Variants in OCLN observed in about 807,000 individuals in gnomAD.
OCLN encodes occludin, also known as phosphatase 1, regulatory subunit 115.
In OCLN, 21 loss-of-function variants were observed where a neutral mutation model predicts 47.9. The ratio of observed to expected loss-of-function variants is 0.44; its 90% CI spans 0.31 to 0.63. The LOEUF (loss-of-function observed/expected upper bound fraction) is 0.63. Ranked by LOEUF, OCLN falls within the 30% of genes least tolerant of loss-of-function variation. OCLN has a pLI of 0.08. For synonymous variants in OCLN, 117 were observed against 198.4 expected, an observed-to-expected ratio of 0.59 and a Z score of 3.45; for missense variants, 360 against 571.0, an observed-to-expected ratio of 0.63 and a Z score of 3.77.
At chr5:69,526,522 C>T (rs558551889) in intron 4 of OCLN, among the ~76,000 whole-genome samples, 1 of 152,314 alleles carries the variant, frequency 6.6e-6, no homozygotes, top group East Asian at 1.9e-4. Flanking sequence ...GTAAGCCTCA[C>T]TGAGTACAAG....
rs1769896189 is a variant in OCLN at position 69,553,698 on chromosome 5, A to G, written c.*27A>G. On this transcript the variant is annotated 3_prime_UTR_variant, in exon 9 of 9. Transcript: ENST00000396442. ...AGGCTGATGCCAAGTTGTTTGAGAA[A>G]TTAAGTATCTGACATCTCTGCAATC... 6.3e-7 allele frequency: 1 copy of G among 1,597,704 alleles called. No individual in the cohort carries two copies. Among genetic ancestry groups the G allele is most frequent in the Non-Finnish European group, 8.6e-7 (1 of 1,165,822 alleles).
chr5:69,520,621 T>C (rs1438137793), intron 4 of OCLN, among the ~76,000 whole-genome samples: 1 of 151,946 alleles, frequency 6.6e-6, no homozygotes, highest in Non-Finnish European at 1.5e-5. Flanking sequence ...ATCTTTTTCC[T>C]TTCCTATTTC....
At chr5:69,526,392 GC>G (rs1769280657) in intron 4 of OCLN, among the ~76,000 whole-genome samples, 1 of 152,102 alleles carries the variant, frequency 6.6e-6, no homozygotes, top group Admixed American at 6.5e-5. Context: ...TGGCTCACAG[GC>G]TGGGCGACCA....
chr5:69,549,188 A>G, intron 7 of OCLN, among the ~76,000 whole-genome samples: 1 of 134,210 alleles, frequency 7.5e-6, no homozygotes, highest in East Asian at 2.2e-4. Flanking sequence ...AAAAATACAA[A>G]AAATTAGCCA....
At chr5:69,514,362 G>A (rs1236444127) in intron 4 of OCLN, among the ~76,000 whole-genome samples, 2 of 152,108 alleles carry the variant, frequency 1.3e-5, no homozygotes, top group East Asian at 3.9e-4. Flanking sequence ...AAAAAATCAT[G>A]CAGAAAGAAC....
chr5:69,549,862 T>C (rs1580596876), intron 7 of OCLN, among the ~76,000 whole-genome samples: 1 of 151,662 alleles, frequency 6.6e-6, no homozygotes, highest in East Asian at 1.9e-4. Context: ...GGTTGGGAAC[T>C]TTCAGTTGCT....
chr5:69,510,641 G>T (rs867080673), intron 3 of OCLN, among the ~76,000 whole-genome samples: 1 of 152,070 alleles, frequency 6.6e-6, no homozygotes, highest in African/African-American at 2.4e-5. Flanking sequence ...CTGAGATTGC[G>T]CCACTGCACT....
intron 1 of OCLN, among the ~76,000 whole-genome samples, chr5:69,499,931 G>T (rs536843321): frequency 2.0e-5 from 3 of 152,238 alleles, no homozygotes; most frequent in African/African-American, 7.2e-5. Context: ...GATTATTCCC[G>T]CATTTGAGTG....
intron 1 of OCLN, among the ~76,000 whole-genome samples, chr5:69,497,672 T>C (rs1308761737): frequency 6.6e-6 from 1 of 152,088 alleles, no homozygotes. Context: ...TGAGCCACGG[T>C]GCCTGGCCAG....
At chr5:69,514,950 C>A (rs865948919) in intron 4 of OCLN, among the ~76,000 whole-genome samples, 2 of 152,212 alleles carry the variant, frequency 1.3e-5, no homozygotes, top group Non-Finnish European at 2.9e-5. Context: ...GGCAACCATC[C>A]GATTTCTCAA....
At position 69,513,833 on chromosome 5, in the gene OCLN, C is replaced by T. The variant is rs910510687; in HGVS notation, c.730-115C>T. On this transcript the variant is annotated intron_variant, in intron 3 of 8. Coordinates refer to ENST00000396442, the MANE Select transcript of OCLN (RefSeq NM_001205254.2). Reference sequence around the variant, plus strand: ...TTGCTTCAGTTTTCTATCAATTAAACCACATGGATTTAGTAGGGCCTTAGG... The same window carrying T: ...TTGCTTCAGTTTTCTATCAATTAAATCACATGGATTTAGTAGGGCCTTAGG... 12 of 890,392 alleles carry T rather than the reference C, an allele frequency of 1.3e-5. No individual in the cohort carries two copies. In the Middle Eastern group the frequency reaches 1.5e-3, roughly 113 times the overall value. 55.2% of individuals were successfully genotyped at this position (890,392 alleles called of 1,614,324 possible). A position where few individuals can be genotyped will look rare whatever the true frequency, so the allele number is the denominator to read the frequency against.
rs1260853895 is a variant in OCLN at position 69,493,134 on chromosome 5, C to T, written c.-69+234C>T. ...TGGGGCGAGGGGTGGCTTGGAGCCGCCGATCAAGCTTTATTCCGCGGAAAC... is the reference window on the plus strand; with the variant it reads ...TGGGGCGAGGGGTGGCTTGGAGCCGTCGATCAAGCTTTATTCCGCGGAAAC... On this transcript the variant is annotated intron_variant, in intron 1 of 8. Transcript: ENST00000396442. The surrounding 1 kb of genome is among the most constrained non-coding windows in gnomAD (Gnocchi z 5.3). 3.9e-5 allele frequency among the ~76,000 whole-genome samples: 6 copies of T among 152,192 alleles called. No homozygotes were observed. The highest frequency in any genetic ancestry group is 8.8e-5 in the Non-Finnish European group (6 of 68,028).
chr5:69,509,893 A>C, intron 3 of OCLN, 74 bp downstream of exon 3: 1 of 1,089,644 alleles, frequency 9.2e-7, no homozygotes, highest in Non-Finnish European at 1.4e-6. Context: ...TGATAGAATC[A>C]CTCTGGAAAC....
chr5:69,505,067 T>G (rs1768561782), intron 2 of OCLN, among the ~76,000 whole-genome samples: 1 of 152,076 alleles, frequency 6.6e-6, no homozygotes, highest in African/African-American at 2.4e-5. Context: ...CTGACCAACG[T>G]GGAGAAACCC....
chr5:69,524,754 T>G (rs1034553690), intron 4 of OCLN, among the ~76,000 whole-genome samples: 3 of 152,242 alleles, frequency 2.0e-5, no homozygotes, highest in African/African-American at 7.2e-5. Context: ...TGGCATGATC[T>G]TGGCTCACTG....
rs6859722 is a variant in OCLN at position 69,533,380 on chromosome 5, C to T, written c.892-1314C>T. Among the ~76,000 whole-genome samples, 213 of 152,114 alleles carry T rather than the reference C, an allele frequency of 1.4e-3. 1 individual carries two copies. The highest frequency in any genetic ancestry group is 4.9e-3 in the African/African-American group (205 of 41,488). ...ATAAGCAAGTTTTTAAAGGCAAAAA[C>T]GGGGCACAAGGAGTGGATAGAAACA... On this transcript the variant is annotated intron_variant, in intron 4 of 8. Transcript: ENST00000396442.
intron 4 of OCLN, among the ~76,000 whole-genome samples, chr5:69,520,815 GTAAA>G (rs1210436794): frequency 6.6e-6 from 1 of 151,956 alleles, no homozygotes; most frequent in African/African-American, 2.4e-5. Flanking sequence ...CTTGCACATG[GTAAA>G]TAATGTAATG....
chr5:69,514,767 A>G (rs530511794), intron 4 of OCLN, among the ~76,000 whole-genome samples: 4 of 152,218 alleles, frequency 2.6e-5, no homozygotes, highest in Non-Finnish European at 5.9e-5. Context: ...TTAACAAAGC[A>G]CATCTTGCAC....
intron 4 of OCLN, among the ~76,000 whole-genome samples, chr5:69,515,279 G>C: frequency 7.1e-6 from 1 of 141,090 alleles, no homozygotes; most frequent in Non-Finnish European, 1.6e-5. Flanking sequence ...CCGGGCGGGG[G>C]GCTGACCCCC....
Sources: allele counts gnomAD v4.1 joint callset (sites outside exome capture counted in the v4.1 genomes callset), GRCh38; gene constraint gnomAD v4.1.1; non-coding constraint Gnocchi (gnomAD v3.1); transcripts MANE v1.5; gene names NCBI Gene and HGNC (gene_info 2026-07-23, HGNC 2026-07-21).